Variants in SPATS2 observed in about 807,000 individuals in gnomAD.
SPATS2 encodes the protein spermatogenesis associated serine rich 2.
In SPATS2, 38 loss-of-function variants were observed where a neutral mutation model predicts 63.7. The observed-to-expected ratio is 0.60, with a 90% CI of 0.46 to 0.78. The LOEUF is 0.78. SPATS2 is among the 30% of genes least tolerant of loss of function. The pLI is 0.00. For missense variants in SPATS2, 588 were observed against 666.2 expected, an observed-to-expected ratio of 0.88 and a Z score of 1.29; for synonymous variants, 207 against 232.9, an observed-to-expected ratio of 0.89 and a Z score of 1.01.
intron 3 of SPATS2, chr12:49,469,613 A>C: frequency 2.4e-6 from 1 of 419,046 alleles, no homozygotes; most frequent in Non-Finnish European, 4.7e-6. Flanking sequence ...AATATGGGCC[A>C]GGCACAGTGG....
chr12:49,499,228 G>GT (rs1458936888), intron 8 of SPATS2, among the ~76,000 whole-genome samples: 3 of 151,990 alleles, frequency 2.0e-5, no homozygotes, highest in African/African-American at 7.3e-5. Flanking sequence ...GCTTTTTTAG[G>GT]TGGGACTAGA....
intron 4 of SPATS2, among the ~76,000 whole-genome samples, chr12:49,486,072 T>TA (rs1049603874): frequency 8.6e-5 from 13 of 151,648 alleles, no homozygotes; most frequent in Admixed American, 2.6e-4. Flanking sequence ...CTGTCTTATT[T>TA]AAAAAAAAAT....
chr12:49,446,607 G>C (rs1326897793), intron 2 of SPATS2, among the ~76,000 whole-genome samples: 1 of 152,166 alleles, frequency 6.6e-6, no homozygotes, highest in Non-Finnish European at 1.5e-5. Flanking sequence ...GTTACAGCAG[G>C]TTAGGTTCCT....
chr12:49,450,351 G>T (rs539220557), intron 2 of SPATS2, among the ~76,000 whole-genome samples: 5 of 151,978 alleles, frequency 3.3e-5, no homozygotes, highest in African/African-American at 1.2e-4. Context: ...CTGGGTTCAC[G>T]CCATTCTCCT....
At chr12:49,456,709 A>G (rs1200737787) in intron 2 of SPATS2, among the ~76,000 whole-genome samples, 1 of 152,332 alleles carries the variant, frequency 6.6e-6, no homozygotes, top group Non-Finnish European at 1.5e-5. Flanking sequence ...AAGGTAGAAC[A>G]CATGGGATTC....
chr12:49,371,952 G>GT lies in SPATS2; in HGVS notation c.-244+678dup, dbSNP rs55899804. 3.3e-3 allele frequency among the ~76,000 whole-genome samples: 457 copies of GT among 138,278 alleles called. 1 individual carries two copies. The highest frequency in any genetic ancestry group is 0.012 in the Middle Eastern group (3 of 260). 90.7% of individuals were successfully genotyped at this position (138,278 alleles called of 152,430 possible). On this transcript the variant is annotated intron_variant, in intron 2 of 13. Coordinates refer to ENST00000552918, the MANE Select transcript of SPATS2 (RefSeq NM_023071.4). ...CCAAACTATATCGCCCTCCTTTCAG[G>GT]TTTTTTTTTTTTTTTTCTATTTACA...
intron 3 of SPATS2, among the ~76,000 whole-genome samples, chr12:49,474,694 G>A (rs2062725098): frequency 6.6e-6 from 1 of 152,088 alleles, no homozygotes; most frequent in Non-Finnish European, 1.5e-5. Context: ...TTAGTTAACT[G>A]GAAGTTTAAT....
intron 2 of SPATS2, among the ~76,000 whole-genome samples, chr12:49,402,012 T>C (rs60947288): frequency 0.015 from 2,299 of 152,346 alleles, 56 homozygotes; most frequent in African/African-American, 0.052. Context: ...GGTCTCGCTC[T>C]GTCGCCCAGG....
At chr12:49,492,775 G>A (rs1946404044) in intron 6 of SPATS2, among the ~76,000 whole-genome samples, 1 of 152,070 alleles carries the variant, frequency 6.6e-6, no homozygotes, top group South Asian at 2.1e-4. Flanking sequence ...TGAAAACTTA[G>A]CCAGTTCACA....
chr12:49,515,893 G>A (rs1031214038), intron 10 of SPATS2, among the ~76,000 whole-genome samples: 10 of 151,798 alleles, frequency 6.6e-5, no homozygotes. Flanking sequence ...TGTAATTCCA[G>A]CACTTTGGGA....
Position 49,496,852 on chromosome 12 carries a change from T to A in SPATS2, c.546T>A (p.Gly182=), listed in dbSNP as rs1219265998. The change falls in exon 8 of 14, where the codon GGT becomes GGA. Residue 182 remains glycine, a synonymous_variant. Transcript: ENST00000552918. ...GGACAGGATCCATGCTGCAGAATGG[T>A]GTCTCTGATTTTGAGACCAAGTCTT... ...LDRTGSMLQN[G]VSDFETKSLT... 6.2e-7 allele frequency: 1 copy of A among 1,614,160 alleles called. No homozygotes were observed. The highest frequency in any genetic ancestry group is 8.5e-7 in the Non-Finnish European group (1 of 1,180,008).
At chr12:49,367,958 A>G (rs1237154284) in intron 1 of SPATS2, among the ~76,000 whole-genome samples, 1 of 152,228 alleles carries the variant, frequency 6.6e-6, no homozygotes, top group African/African-American at 2.4e-5. Flanking sequence ...GGAATGCAGT[A>G]GGGATGCGTA....
rs536363414 is a variant in SPATS2 at position 49,519,984 on chromosome 12, T to A, written c.1008+802T>A. Among the ~76,000 whole-genome samples the A allele has an allele frequency of 2.6e-5, 4 of 151,050 alleles. No homozygotes were observed. In the South Asian group the frequency reaches 8.4e-4, roughly 32 times the overall value. ...CGCCTGCCACCACGCCTGGCTAATT[T>A]TTTTTTTTTTTTGATTCGGAGTTTC... On this transcript the variant is annotated intron_variant, in intron 11 of 13. Coordinates refer to ENST00000552918, the MANE Select transcript of SPATS2 (RefSeq NM_023071.4).
chr12:49,374,320 G>A (rs1944054930), intron 2 of SPATS2, among the ~76,000 whole-genome samples: 1 of 151,960 alleles, frequency 6.6e-6, no homozygotes, highest in Admixed American at 6.6e-5. Context: ...GTAGAGACAG[G>A]GTCTTGCTTT....
At chr12:49,399,351 G>A (rs926003049) in intron 2 of SPATS2, among the ~76,000 whole-genome samples, 1 of 151,806 alleles carries the variant, frequency 6.6e-6, no homozygotes, top group Non-Finnish European at 1.5e-5. Flanking sequence ...TACTTGTATT[G>A]CTATTTCTGA....
chr12:49,435,169 T>C (rs973839841), intron 2 of SPATS2, among the ~76,000 whole-genome samples: 1 of 151,648 alleles, frequency 6.6e-6, no homozygotes, highest in Non-Finnish European at 1.5e-5. Flanking sequence ...TAGCTGGGAC[T>C]ACAGGCGCCT....
At chr12:49,409,785 T>C (rs1944765024) in intron 2 of SPATS2, among the ~76,000 whole-genome samples, 1 of 151,782 alleles carries the variant, frequency 6.6e-6, no homozygotes, top group Non-Finnish European at 1.5e-5. Context: ...GTATTTTTAG[T>C]AGACATGGGG....
intron 2 of SPATS2, among the ~76,000 whole-genome samples, chr12:49,414,792 T>G (rs1247261062): frequency 6.6e-6 from 1 of 151,914 alleles, no homozygotes; most frequent in South Asian, 2.1e-4. Context: ...AGAGACAGAG[T>G]CTCACTATGT....
chr12:49,437,362 G>A (rs1945330563), intron 2 of SPATS2, among the ~76,000 whole-genome samples: 1 of 151,680 alleles, frequency 6.6e-6, no homozygotes. Context: ...GCCAGGCAGA[G>A]AGGCTCCTCA....
Sources: allele counts gnomAD v4.1 joint callset (sites outside exome capture counted in the v4.1 genomes callset), GRCh38; gene constraint gnomAD v4.1.1; transcripts MANE v1.5; gene names NCBI Gene and HGNC (gene_info 2026-07-23, HGNC 2026-07-21).